RAD51B: variants seen among roughly 807,000 people sequenced by gnomAD.
The protein encoded by RAD51B is RAD51 paralog B.
Under a neutral mutation model 42.2 loss-of-function variants are expected in RAD51B, and 38 were observed. The observed-to-expected ratio is 0.90, with a 90% confidence interval of 0.70 to 1.18. The LOEUF (loss-of-function observed/expected upper bound fraction) is 1.18. Ranked by LOEUF, RAD51B falls within the 50% of genes most tolerant of loss-of-function variation. The probability of loss-of-function intolerance (pLI) is 0.00; values close to 1 mark genes in which losing one functional copy is unlikely to be tolerated. For synonymous variants in RAD51B, 154 were observed against 145.2 expected (o/e 1.06, Z -0.43); for missense variants, 373 against 400.7 (o/e 0.93, Z 0.59).
intron 8 of RAD51B, among the ~76,000 whole-genome samples, chr14:68,344,738 G>A (rs2082640860): frequency 6.6e-6 from 1 of 151,924 alleles, no homozygotes; most frequent in East Asian, 1.9e-4. Flanking sequence ...ACGAGGTCAG[G>A]AGTTCGAGAC....
intron 7 of RAD51B, among the ~76,000 whole-genome samples, chr14:67,904,162 G>A (rs1417820150): frequency 1.3e-5 from 2 of 151,988 alleles, no homozygotes; most frequent in Non-Finnish European, 2.9e-5. Flanking sequence ...CCGTTAGTGG[G>A]CATTTAGGTT....
At chr14:68,631,945 C>T (rs1892237565) in intron 10 of RAD51B, among the ~76,000 whole-genome samples, 1 of 152,202 alleles carries the variant, frequency 6.6e-6, no homozygotes, top group Non-Finnish European at 1.5e-5. Flanking sequence ...TTTCGATCCT[C>T]TGCATCCCAG....
chr14:67,839,035 C>A (rs1042462811), intron 4 of RAD51B, among the ~76,000 whole-genome samples: 1 of 152,030 alleles, frequency 6.6e-6, no homozygotes. Context: ...ATTTTTGGGA[C>A]AAGTTCAACT....
chr14:68,468,748 C>T (rs2086048627), intron 10 of RAD51B: 1 of 300,444 alleles, frequency 3.3e-6, no homozygotes, highest in Admixed American at 4.3e-5. Flanking sequence ...CCTGTCCTGT[C>T]CTGACATGGT....
intron 7 of RAD51B, among the ~76,000 whole-genome samples, chr14:67,995,290 G>A (rs1247492574): frequency 6.6e-6 from 1 of 151,998 alleles, no homozygotes; most frequent in Non-Finnish European, 1.5e-5. Context: ...GGGAGGCTGA[G>A]ACAGGAGAAT....
intron 10 of RAD51B, among the ~76,000 whole-genome samples, chr14:68,528,284 C>T (rs1033320235): frequency 1.3e-5 from 2 of 152,176 alleles, no homozygotes; most frequent in African/African-American, 4.8e-5. Flanking sequence ...CCTTTTGCTG[C>T]CAGGAAGCCT....
At chr14:68,195,919 AAAAAAAC>A (rs1443165987) in intron 7 of RAD51B, among the ~76,000 whole-genome samples, 2 of 130,416 alleles carry the variant, frequency 1.5e-5, no homozygotes, top group African/African-American at 2.9e-5. Context: ...AAAAAAAAAA[AAAAAAAC>A]AACAATTAGG....
At chr14:67,853,591 C>A (rs2041892551) in intron 4 of RAD51B, among the ~76,000 whole-genome samples, 1 of 152,172 alleles carries the variant, frequency 6.6e-6, no homozygotes, top group African/African-American at 2.4e-5. Flanking sequence ...AACTGCATTG[C>A]ACAGTCTTTG....
chr14:68,367,702 A>C lies in RAD51B; in HGVS notation c.854-43722A>C, dbSNP rs73274191. On this transcript the variant is annotated intron_variant, in intron 8 of 10. Transcript: ENST00000471583. ...AACACTTGAAATAGTTACCCAGAAA[A>C]GCTGGCCTGGTGATTAATCGGCCCA... Among the ~76,000 whole-genome samples, 1,191 of 152,326 alleles carry C rather than the reference A, an allele frequency of 7.8e-3. 13 individuals carry two copies. Among genetic ancestry groups the C allele is most frequent in the African/African-American group, 0.028 (1,154 of 41,564 alleles).
rs114575352 is a variant in RAD51B, at chr14:67,882,777, A to T, written c.453-3092A>T. 9.0e-3 allele frequency among the ~76,000 whole-genome samples: 1,359 copies of T among 151,330 alleles called. 21 individuals are homozygous for T. Among genetic ancestry groups the T allele is most frequent in the African/African-American group, 0.031 (1,279 of 41,210 alleles). ...CTTTTTTTTTTTGAGACGGAGCCTC[A>T]CTCTGTTGCCTAGGCTGAGTGCAGT... On this transcript the variant is annotated intron_variant, in intron 5 of 10. Coordinates refer to ENST00000471583, the MANE Select transcript of RAD51B (RefSeq NM_133510.4).
intron 7 of RAD51B, among the ~76,000 whole-genome samples, chr14:68,178,964 T>C (rs1362748606): frequency 2.6e-5 from 4 of 152,198 alleles, no homozygotes; most frequent in Non-Finnish European, 5.9e-5. Flanking sequence ...GAAGTGTAGA[T>C]AAAATTTCTG....
intron 10 of RAD51B, among the ~76,000 whole-genome samples, chr14:68,635,009 AAGACTCTGGG>A (rs1391462249): frequency 6.6e-6 from 1 of 152,192 alleles, no homozygotes; most frequent in Non-Finnish European, 1.5e-5. Flanking sequence ...TTTCAAAAAT[AAGACTCTGGG>A]AGCCTCCGGT....
intron 7 of RAD51B, among the ~76,000 whole-genome samples, chr14:68,102,323 T>A (rs1219216948): frequency 6.6e-6 from 1 of 152,238 alleles, no homozygotes; most frequent in Non-Finnish European, 1.5e-5. Context: ...GAATTTCTCC[T>A]CAGAAAATGG....
intron 9 of RAD51B, among the ~76,000 whole-genome samples, chr14:68,434,371 T>G (rs2085092988): frequency 6.6e-6 from 1 of 152,184 alleles, no homozygotes; most frequent in African/African-American, 2.4e-5. Flanking sequence ...GCAGGCCTCC[T>G]TGAGCTGCTG....
intron 10 of RAD51B, among the ~76,000 whole-genome samples, chr14:68,576,303 G>A (rs1034336312): frequency 1.3e-5 from 2 of 152,202 alleles, no homozygotes; most frequent in Non-Finnish European, 2.9e-5. Context: ...GGAAGAGAAT[G>A]AACATGAAGG....
chr14:68,436,841 T>C (rs1566883570), intron 9 of RAD51B, among the ~76,000 whole-genome samples: 1 of 152,208 alleles, frequency 6.6e-6, no homozygotes, highest in Admixed American at 6.5e-5. Flanking sequence ...TGTATAGGAA[T>C]GCTACTAATT....
intron 7 of RAD51B, among the ~76,000 whole-genome samples, chr14:68,127,604 A>AACACAC (rs1158570155): frequency 0.039 from 5,178 of 133,544 alleles, 143 homozygotes; most frequent in East Asian, 0.068. Flanking sequence ...TGTACATTGT[A>AACACAC]ACACACACAC....
At chr14:67,877,379 A>G (rs2042760573) in intron 5 of RAD51B, among the ~76,000 whole-genome samples, 2 of 152,162 alleles carry the variant, frequency 1.3e-5, no homozygotes, top group African/African-American at 4.8e-5. Context: ...AGGTGAACTC[A>G]TATCCTCTTT....
intron 5 of RAD51B, among the ~76,000 whole-genome samples, chr14:67,870,168 A>G (rs1284218786): frequency 7.3e-5 from 11 of 150,884 alleles, no homozygotes; most frequent in Middle Eastern, 3.4e-3. Context: ...AAGACCCATC[A>G]GTGTGCTGTA....
Sources: allele counts gnomAD v4.1 joint callset (sites outside exome capture counted in the v4.1 genomes callset), GRCh38; gene constraint gnomAD v4.1.1; transcripts MANE v1.5; gene names NCBI Gene and HGNC (gene_info 2026-07-23, HGNC 2026-07-21).